The following RALGAPA2 variants were observed in gnomAD, a reference collection of about 807,000 sequenced individuals.
The protein encoded by RALGAPA2 is ral GTPase-activating protein subunit alpha-2.
Under a neutral mutation model 230.4 loss-of-function variants are expected in RALGAPA2, and 139 were observed. That is an observed-to-expected ratio of 0.60 (90% CI 0.53 to 0.69). RALGAPA2 has a LOEUF of 0.69. Ranked by LOEUF, RALGAPA2 falls within the 30% of genes least tolerant of loss-of-function variation. RALGAPA2 has a pLI of 0.00. For missense variants in RALGAPA2, 2,163 were observed against 2,276.0 expected, an observed-to-expected ratio of 0.95 and a Z score of 1.01; for synonymous variants, 847 against 837.8, an observed-to-expected ratio of 1.01 and a Z score of -0.19.
chr20:20,640,643 T>C, intron 6 of RALGAPA2, 58 bp downstream of exon 6: 1 of 1,469,452 alleles, frequency 6.8e-7, no homozygotes, highest in Non-Finnish European at 9.3e-7. Flanking sequence ...AAAGTAAGAA[T>C]TCCTCAATGT....
intron 37 of RALGAPA2, among the ~76,000 whole-genome samples, chr20:20,446,728 T>C (rs1471203329): frequency 2.0e-5 from 3 of 152,204 alleles, no homozygotes; most frequent in Non-Finnish European, 4.4e-5. Context: ...ACATAAATGA[T>C]AAAGTGAGTG....
At chr20:20,590,070 G>A (rs907355043) in intron 17 of RALGAPA2, among the ~76,000 whole-genome samples, 3 of 150,830 alleles carry the variant, frequency 2.0e-5, no homozygotes, top group Admixed American at 6.6e-5. Context: ...ACTGTGCAAC[G>A]GCTAAATTAA....
At chr20:20,482,668 C>A (rs2061807571) in intron 36 of RALGAPA2, among the ~76,000 whole-genome samples, 4 of 152,058 alleles carry the variant, frequency 2.6e-5, no homozygotes, top group Admixed American at 2.6e-4. Context: ...AGACTGTGGA[C>A]AGAACATGGC....
chr20:20,555,427 T>C (rs2064054936), intron 23 of RALGAPA2, among the ~76,000 whole-genome samples: 1 of 152,232 alleles, frequency 6.6e-6, no homozygotes, highest in Non-Finnish European at 1.5e-5. Flanking sequence ...CCATGTGAAA[T>C]TTAGGATCAG....
chr20:20,404,405 G>A (rs1432131976), intron 38 of RALGAPA2, among the ~76,000 whole-genome samples: 2 of 152,126 alleles, frequency 1.3e-5, no homozygotes, highest in South Asian at 4.2e-4. Flanking sequence ...AGACTTAACT[G>A]CGAATAAGAG....
chr20:20,661,411 C>T (rs994841117), intron 3 of RALGAPA2, among the ~76,000 whole-genome samples: 1 of 152,162 alleles, frequency 6.6e-6, no homozygotes, highest in Non-Finnish European at 1.5e-5. Context: ...CTGCCCACCT[C>T]GGCCTCCCAA....
At chr20:20,633,089 C>A (rs1387234119) in intron 9 of RALGAPA2, among the ~76,000 whole-genome samples, 2 of 148,390 alleles carry the variant, frequency 1.3e-5, no homozygotes, top group East Asian at 4.0e-4. Flanking sequence ...TTCCTCCTTT[C>A]CTTCCTCCCT....
intron 12 of RALGAPA2, among the ~76,000 whole-genome samples, chr20:20,618,231 C>T (rs908905625): frequency 6.6e-6 from 1 of 152,180 alleles, no homozygotes; most frequent in Non-Finnish European, 1.5e-5. Flanking sequence ...CCTGCAACCA[C>T]CACAGGCTGT....
At chr20:20,505,660 G>T in intron 33 of RALGAPA2, 126 bp from the exon 34 acceptor site, 1 of 784,802 alleles carries the variant, frequency 1.3e-6, no homozygotes, top group Non-Finnish European at 1.9e-6. Flanking sequence ...CTAGAGGTCA[G>T]TCAGTGTTCT....
At chr20:20,649,047 A>C (rs949491764) in intron 4 of RALGAPA2, among the ~76,000 whole-genome samples, 1 of 152,206 alleles carries the variant, frequency 6.6e-6, no homozygotes, top group Non-Finnish European at 1.5e-5. Context: ...AGCACAGAGC[A>C]GTAACGGTAA....
intron 20 of RALGAPA2, among the ~76,000 whole-genome samples, chr20:20,576,865 A>T (rs2064835435): frequency 6.6e-6 from 1 of 152,042 alleles, no homozygotes; most frequent in South Asian, 2.1e-4. Flanking sequence ...TTTCTTGATC[A>T]GTCTTGCCTG....
At chr20:20,432,096 A>T (rs1196518744) in intron 37 of RALGAPA2, among the ~76,000 whole-genome samples, 4 of 152,190 alleles carry the variant, frequency 2.6e-5, no homozygotes, top group African/African-American at 7.2e-5. Context: ...AACAGTAAGG[A>T]CTGTGAAATA....
intron 3 of RALGAPA2, among the ~76,000 whole-genome samples, chr20:20,661,705 C>A (rs1041554536): frequency 6.6e-6 from 1 of 152,046 alleles, no homozygotes; most frequent in African/African-American, 2.4e-5. Flanking sequence ...TAAGTATAAG[C>A]AGGTTAAATT....
At chr20:20,431,858 A>T (rs977308538) in intron 37 of RALGAPA2, among the ~76,000 whole-genome samples, 2 of 152,116 alleles carry the variant, frequency 1.3e-5, no homozygotes, top group Non-Finnish European at 2.9e-5. Flanking sequence ...GCATGTGTGC[A>T]CCTCTCTATG....
At chr20:20,444,974 T>C (rs1452258101) in intron 37 of RALGAPA2, among the ~76,000 whole-genome samples, 2 of 152,268 alleles carry the variant, frequency 1.3e-5, no homozygotes, top group Non-Finnish European at 2.9e-5. Context: ...CTGTGTTCTG[T>C]GTTGCATGTG....
chr20:20,540,299 C>T (rs2063608508), intron 24 of RALGAPA2, among the ~76,000 whole-genome samples: 1 of 152,198 alleles, frequency 6.6e-6, no homozygotes, highest in Non-Finnish European at 1.5e-5. Context: ...CAACCATTCA[C>T]TAACCCACAC....
intron 36 of RALGAPA2, among the ~76,000 whole-genome samples, chr20:20,481,860 C>G (rs1470934674): frequency 2.0e-5 from 3 of 152,046 alleles, no homozygotes; most frequent in African/African-American, 7.2e-5. Context: ...TGTTGTCTGC[C>G]CTGTGGGCCT....
At chr20:20,568,326 A>C (rs1472630671) in intron 23 of RALGAPA2, among the ~76,000 whole-genome samples, 1 of 152,222 alleles carries the variant, frequency 6.6e-6, no homozygotes, top group African/African-American at 2.4e-5. Context: ...ACTACTTGAT[A>C]AATTCATTGT....
chr20:20,594,759 C>T (rs945065123), intron 16 of RALGAPA2, among the ~76,000 whole-genome samples: 6 of 141,888 alleles, frequency 4.2e-5, no homozygotes, highest in Non-Finnish European at 6.0e-5. Flanking sequence ...GATGGAGTCT[C>T]GCTCTGTCGG....
Sources: gnomAD v4.1 joint callset for allele counts (sites outside exome capture counted in the v4.1 genomes callset) on GRCh38, gnomAD v4.1.1 for gene constraint, MANE v1.5 for transcripts, NCBI Gene and HGNC (gene_info 2026-07-23, HGNC 2026-07-21) for gene names.